The following TNFRSF1B variants were observed in gnomAD, a reference collection of about 807,000 sequenced individuals.
TNFRSF1B encodes the protein tumor necrosis factor receptor superfamily member 1B.
In TNFRSF1B, 19 loss-of-function variants were observed where a neutral mutation model predicts 44.6. That is an observed-to-expected ratio of 0.43 (90% CI 0.30 to 0.62). The LOEUF (loss-of-function observed/expected upper bound fraction) is 0.62, where lower values mean the gene tolerates loss of function less well. Among genes scored for constraint, TNFRSF1B ranks in the 20% least tolerant of loss-of-function variants. The probability of loss-of-function intolerance (pLI) is 0.16; values close to 1 mark genes in which losing one functional copy is unlikely to be tolerated. For missense variants in TNFRSF1B, 541 were observed against 619.9 expected, an observed-to-expected ratio of 0.87 and a Z score of 1.35; for synonymous variants, 252 against 261.1, an observed-to-expected ratio of 0.97 and a Z score of 0.34.
Position 12,201,978 on chromosome 1 carries a change from T to C in TNFRSF1B, c.912T>C (p.Pro304=). 1 of 1,610,266 alleles carries C rather than the reference T, an allele frequency of 6.2e-7. No individual in the cohort carries two copies. Among genetic ancestry groups the C allele is most frequent in the African/African-American group, 1.3e-5 (1 of 75,014 alleles). The change falls in exon 9 of 10, where the codon CCT becomes CCC. Residue 304 remains proline, a synonymous_variant. Coordinates refer to ENST00000376259, the MANE Select transcript of TNFRSF1B (RefSeq NM_001066.3). ...LQREAKVPHL[P]ADKARGTQGP... is the part of the protein sequence containing the mutation. ...CCCTGCCCATCCAGCCTCACTTGCC[T>C]GCCGATAAGGCCCGGGGTACACAGG...
intron 1 of TNFRSF1B, among the ~76,000 whole-genome samples, chr1:12,184,870 C>G (rs1009120953): frequency 6.6e-6 from 1 of 152,190 alleles, no homozygotes; most frequent in African/African-American, 2.4e-5. Context: ...TGCAGGATTC[C>G]CACGAGACCT....
chr1:12,181,656 G>A (rs567185866), intron 1 of TNFRSF1B, among the ~76,000 whole-genome samples: 65 of 152,260 alleles, frequency 4.3e-4, no homozygotes, highest in African/African-American at 1.4e-3. Flanking sequence ...CTGGGAAAGG[G>A]GACATTTCTG....
chr1:12,202,162 G>C lies in TNFRSF1B; in HGVS notation c.1096G>C (p.Gly366Arg). Residue 366 changes from glycine (G) to arginine (R), a missense_variant, in exon 9 of 10, where the codon GGG (glycine) becomes CGG (arginine). Gly to Arg is a moderately radical substitution (Grantham distance 125). Coordinates refer to ENST00000376259, the MANE Select transcript of TNFRSF1B (RefSeq NM_001066.3). ...SGAGEARASTGSSDSSPGGHG... is the reference protein window; with the variant it reads ...SGAGEARASTRSSDSSPGGHG... The stretch of plus-strand genomic sequence containing the variant: ...GGCCGGGGAGGCCCGGGCCAGCACC[G>C]GGAGCTCAGGTAAGAGGTGGGAGCA... The C allele has an allele frequency of 6.5e-7, 1 of 1,547,472 alleles. No individual in the cohort carries two copies. Among genetic ancestry groups the C allele is most frequent in the Middle Eastern group, 1.8e-4 (1 of 5,412 alleles).
intron 1 of TNFRSF1B, among the ~76,000 whole-genome samples, chr1:12,184,345 A>ATTT (rs544768786): frequency 2.4e-4 from 34 of 139,842 alleles, no homozygotes; most frequent in African/African-American, 9.0e-4. Context: ...AAGGCTGTGG[A>ATTT]TTTTTTTTTT....
In TNFRSF1B at chr1:12,188,969, A is replaced by G. The variant is rs1337156615; in HGVS notation, c.178+74A>G. The G allele has an allele frequency of 4.4e-6, 6 of 1,360,162 alleles. No homozygotes were observed. In the East Asian group the frequency reaches 1.4e-4, roughly 32 times the overall value. The allele number at this position is 1,360,162 out of a possible 1,614,324, so 84.3% of individuals were successfully genotyped here. A position where few individuals can be genotyped will look rare whatever the true frequency, so the allele number is the denominator to read the frequency against. ...GTGTGTACAGGGGCTGGGGCGCAAG[A>G]GCATAGCCCTTGATTCTTACTGAAC... On this transcript the variant is annotated intron_variant, in intron 2 of 9. Coordinates refer to ENST00000376259, the MANE Select transcript of TNFRSF1B (RefSeq NM_001066.3).
chr1:12,189,165 G>A (rs1239947380), intron 2 of TNFRSF1B, among the ~76,000 whole-genome samples: 1 of 152,158 alleles, frequency 6.6e-6, no homozygotes, highest in Non-Finnish European at 1.5e-5. Context: ...GCCCCATACT[G>A]CCCAGCCGGT....
intron 1 of TNFRSF1B, among the ~76,000 whole-genome samples, chr1:12,176,205 C>T (rs776452567): frequency 4.4e-4 from 67 of 152,140 alleles, no homozygotes; most frequent in African/African-American, 1.5e-3. Flanking sequence ...GGTGACAGAA[C>T]GAGACCCTGT....
At chr1:12,200,336 A>G (rs1639357635) in intron 8 of TNFRSF1B, among the ~76,000 whole-genome samples, 1 of 152,192 alleles carries the variant, frequency 6.6e-6, no homozygotes, top group Middle Eastern at 3.4e-3. Flanking sequence ...ACTCTGGAAC[A>G]AGAGGCTGAG....
At chr1:12,183,651 CTATTT>C (rs149904799) in intron 1 of TNFRSF1B, among the ~76,000 whole-genome samples, 6 of 139,266 alleles carry the variant, frequency 4.3e-5, no homozygotes, top group African/African-American at 1.1e-4. Flanking sequence ...GCTATTTTAT[CTATTT>C]TATCTATCTA....
intron 9 of TNFRSF1B, among the ~76,000 whole-genome samples, chr1:12,203,397 T>C (rs1432953382): frequency 6.6e-6 from 1 of 152,000 alleles, no homozygotes; most frequent in Non-Finnish European, 1.5e-5. Flanking sequence ...CTCCTCCAGC[T>C]CACTCACCCC....
intron 8 of TNFRSF1B, among the ~76,000 whole-genome samples, chr1:12,200,557 T>C (rs1437967824): frequency 2.0e-5 from 3 of 152,052 alleles, no homozygotes; most frequent in Admixed American, 1.3e-4. Context: ...CTGAGAGTGG[T>C]GTGTTCCTAT....
chr1:12,175,631 G>A (rs935433929), intron 1 of TNFRSF1B, among the ~76,000 whole-genome samples: 2 of 152,106 alleles, frequency 1.3e-5, no homozygotes, highest in African/African-American at 4.8e-5. Flanking sequence ...AGCCTCGCAA[G>A]CCCCTAATCC....
intron 9 of TNFRSF1B, 137 bp downstream of exon 9, chr1:12,202,308 C>G (rs531563716): frequency 7.3e-7 from 1 of 1,362,116 alleles, no homozygotes; most frequent in African/African-American, 1.5e-5. Context: ...TCCTTCGGTT[C>G]GCTGAACCTA....
At position 12,193,095 on chromosome 1, in the gene TNFRSF1B, G is replaced by A. The variant is rs778888553; in HGVS notation, c.784G>A (p.Val262Ile). ...EGSTGDFALP[V>I]GLIVGVTALG... ...GAGCACTGGCGACTTCGCTCTTCCA[G>A]TTGGTAAGTCGCAAGAAGTCTCATT... The change falls in exon 6 of 10, where the codon GTT becomes ATT. Residue 262 changes from valine (V) to isoleucine (I), a missense_variant. Coordinates refer to ENST00000376259, the MANE Select transcript of TNFRSF1B (RefSeq NM_001066.3). 23 of 1,612,280 alleles carry A rather than the reference G, an allele frequency of 1.4e-5. No individual in the cohort carries two copies. Among genetic ancestry groups the A allele is most frequent in the Non-Finnish European group, 2.0e-5 (23 of 1,178,834 alleles).
At position 12,200,117 on chromosome 1, in the gene TNFRSF1B, C is replaced by G. The variant is rs80340895; in HGVS notation, c.901-1850C>G. On this transcript the variant is annotated intron_variant, in intron 8 of 9. Transcript: ENST00000376259. ...CAGCCACAGTATGTCCTAACCGTGA[C>G]CTTGGGCAAGTAACTCAATCTCTCC... 3.2e-3 allele frequency among the ~76,000 whole-genome samples: 487 copies of G among 152,252 alleles called. 1 individual carries two copies. Among genetic ancestry groups the G allele is most frequent in the Non-Finnish European group, 5.0e-3 (340 of 68,022 alleles).
chr1:12,203,380 C>T (rs561578419), intron 9 of TNFRSF1B, among the ~76,000 whole-genome samples: 9 of 152,284 alleles, frequency 5.9e-5, no homozygotes, highest in South Asian at 4.1e-4. Flanking sequence ...GCCCCCACCA[C>T]GCAGCCCTCC....
chr1:12,171,476 C>T lies in TNFRSF1B; in HGVS notation c.78+4307C>T, dbSNP rs1638522550. On this transcript the variant is annotated intron_variant, in intron 1 of 9. Coordinates refer to ENST00000376259, the MANE Select transcript of TNFRSF1B (RefSeq NM_001066.3). The surrounding 1 kb of genome is among the most constrained non-coding windows in gnomAD (Gnocchi z 4.5). Reference sequence around the variant, plus strand: ...CCTTCTGCTGAAGTAGACAATCCTGCCTGTAGGTGCTCCCTGCCAGGCACT... The same window carrying T: ...CCTTCTGCTGAAGTAGACAATCCTGTCTGTAGGTGCTCCCTGCCAGGCACT... 6.6e-6 allele frequency among the ~76,000 whole-genome samples: 1 copy of T among 152,196 alleles called. No individual in the cohort carries two copies. Among genetic ancestry groups the T allele is most frequent in the African/African-American group, 2.4e-5 (1 of 41,448 alleles).
Position 12,180,063 on chromosome 1 carries a change from A to T in TNFRSF1B, c.79-8733A>T, listed in dbSNP as rs1264821658. On this transcript the variant is annotated intron_variant, in intron 1 of 9. Coordinates refer to ENST00000376259, the MANE Select transcript of TNFRSF1B (RefSeq NM_001066.3). The surrounding 1 kb of genome is among the most constrained non-coding windows in gnomAD (Gnocchi z 4.3). ...GCGGGTAGATCCCTGCCCAGGGGGG[A>T]CCCCCTGGGGAAGGCTGGGAGCATG... Among the ~76,000 whole-genome samples, 1 of 150,634 alleles carries T rather than the reference A, an allele frequency of 6.6e-6. No homozygotes were observed. Among genetic ancestry groups the T allele is most frequent in the Non-Finnish European group, 1.5e-5 (1 of 67,686 alleles).
rs1283641980 is a variant in TNFRSF1B at position 12,199,451 on chromosome 1, C to G, written c.901-2516C>G. Among the ~76,000 whole-genome samples the G allele has an allele frequency of 7.9e-5, 12 of 152,244 alleles. No individual in the cohort carries two copies. The highest frequency in any genetic ancestry group is 7.8e-4 in the Admixed American group (12 of 15,290). ...CCTGCCACGGACCAGCTGTGTGATG[C>G]TGGGCACAGGATGCACTTTCTCTGG... On this transcript the variant is annotated intron_variant, in intron 8 of 9. Coordinates refer to ENST00000376259, the MANE Select transcript of TNFRSF1B (RefSeq NM_001066.3). The surrounding 1 kb of genome is among the most constrained non-coding windows in gnomAD (Gnocchi z 4.0).
Sources: allele counts gnomAD v4.1 joint callset (sites outside exome capture counted in the v4.1 genomes callset), GRCh38; gene constraint gnomAD v4.1.1; non-coding constraint Gnocchi (gnomAD v3.1); transcripts MANE v1.5; gene names NCBI Gene and HGNC (gene_info 2026-07-23, HGNC 2026-07-21).